Variants in EBF4 observed in about 807,000 individuals in gnomAD.
The protein encoded by EBF4 is transcription factor COE4.
EBF4 carries 34 observed loss-of-function variants against 67.1 expected under a neutral mutation model. The ratio of observed to expected loss-of-function variants is 0.51; its 90% confidence interval spans 0.39 to 0.67. EBF4 has a LOEUF of 0.67. Ranked by LOEUF, EBF4 falls within the 30% of genes least tolerant of loss-of-function variation. The pLI, the probability that EBF4 is intolerant of heterozygous loss-of-function variation, is 0.00. For missense variants in EBF4, 837 were observed against 873.3 expected, an observed-to-expected ratio of 0.96 and a Z score of 0.52; for synonymous variants, 387 against 377.7, an observed-to-expected ratio of 1.02 and a Z score of -0.29.
intron 6 of EBF4, among the ~76,000 whole-genome samples, chr20:2,746,713 G>A (rs1009958573): frequency 2.0e-5 from 3 of 152,184 alleles, no homozygotes; most frequent in Admixed American, 6.5e-5. Context: ...TATATAAGTA[G>A]TACATGAGTA....
At chr20:2,721,297 A>G (rs550733538) in intron 6 of EBF4, among the ~76,000 whole-genome samples, 1 of 110,892 alleles carries the variant, frequency 9.0e-6, no homozygotes, top group East Asian at 2.4e-4. Flanking sequence ...CGTTCTGAAT[A>G]GTTTTAACTG....
chr20:2,752,037 A>ACGCGGCGCC (rs2088156906), intron 12 of EBF4, 49 bp from the exon 13 acceptor site: 1 of 1,496,960 alleles, frequency 6.7e-7, no homozygotes, highest in Middle Eastern at 2.4e-4. Flanking sequence ...GCCCCCCAGC[A>ACGCGGCGCC]CGCGGCGCCC....
At chr20:2,737,147 G>A (rs2087896055) in intron 6 of EBF4, among the ~76,000 whole-genome samples, 2 of 151,824 alleles carry the variant, frequency 1.3e-5, no homozygotes, top group Admixed American at 6.6e-5. Context: ...CTACTCGGGA[G>A]GCTGAGGCAG....
At chr20:2,733,178 T>C (rs1379452973) in intron 6 of EBF4, among the ~76,000 whole-genome samples, 2 of 152,216 alleles carry the variant, frequency 1.3e-5, no homozygotes, top group Non-Finnish European at 2.9e-5. Flanking sequence ...TTGCTGGACA[T>C]GCAATTTTTT....
intron 5 of EBF4, among the ~76,000 whole-genome samples, 195 bp downstream of exon 5, chr20:2,708,215 G>A (rs1392370948): frequency 2.0e-5 from 3 of 152,198 alleles, no homozygotes; most frequent in African/African-American, 7.2e-5. Flanking sequence ...GGTCCTTGAG[G>A]CCCCATTAGC....
intron 6 of EBF4, among the ~76,000 whole-genome samples, chr20:2,716,642 T>C (rs2087614775): frequency 6.6e-6 from 1 of 152,230 alleles, no homozygotes; most frequent in South Asian, 2.1e-4. Flanking sequence ...CCTATGGAAC[T>C]AATTAGGGGT....
chr20:2,744,700 C>T (rs2088024188), intron 6 of EBF4, among the ~76,000 whole-genome samples: 2 of 151,852 alleles, frequency 1.3e-5, no homozygotes, highest in Non-Finnish European at 2.9e-5. Flanking sequence ...CAGCATTGGG[C>T]AGGCTAGTCT....
intron 14 of EBF4, among the ~76,000 whole-genome samples, chr20:2,753,072 G>GTC (rs1279921790): frequency 1.3e-5 from 2 of 152,254 alleles, no homozygotes; most frequent in Non-Finnish European, 2.9e-5. Flanking sequence ...AGCGAGTTCT[G>GTC]TGTGATCAGA....
chr20:2,731,455 C>G (rs1032648854), intron 6 of EBF4, among the ~76,000 whole-genome samples: 1 of 152,156 alleles, frequency 6.6e-6, no homozygotes, highest in Non-Finnish European at 1.5e-5. Flanking sequence ...ATGCAGCTTA[C>G]TTATAAAGAC....
chr20:2,705,733 A>C, exon 2 of EBF4: 1 of 1,549,558 alleles, frequency 6.5e-7, no homozygotes, highest in Non-Finnish European at 8.7e-7. Flanking sequence ...AAAAGGACCG[A>C]GTGAGAGGCT....
intron 6 of EBF4, among the ~76,000 whole-genome samples, chr20:2,728,891 A>G (rs903622836): frequency 6.6e-6 from 1 of 151,708 alleles, no homozygotes; most frequent in African/African-American, 2.4e-5. Context: ...TAGTATTAAT[A>G]CTCTGTGTAA....
chr20:2,723,496 G>GC (rs368546344), intron 6 of EBF4, among the ~76,000 whole-genome samples: 27,911 of 151,030 alleles, frequency 0.18, 3,510 homozygotes, highest in African/African-American at 0.35. Context: ...GACTACAGGC[G>GC]CCGCCACCAC....
upstream of EBF4, chr20:2,693,467 C>A: frequency 1.5e-6 from 1 of 662,356 alleles, no homozygotes; most frequent in Non-Finnish European, 2.1e-6. This position sits in a 1 kb window ranked among gnomAD's most constrained non-coding sequence, Gnocchi z 4.6. Flanking sequence ...AGCGCCGGCG[C>A]CCGCGGACCC....
intron 6 of EBF4, among the ~76,000 whole-genome samples, chr20:2,713,095 A>T (rs1196469001): frequency 2.0e-5 from 3 of 152,230 alleles, no homozygotes; most frequent in Non-Finnish European, 4.4e-5. Context: ...TGTCTGGAGC[A>T]CTGTGTAGTG....
intron 1 of EBF4, among the ~76,000 whole-genome samples, chr20:2,697,011 T>C (rs2087298774): frequency 6.6e-6 from 1 of 152,156 alleles, no homozygotes; most frequent in South Asian, 2.1e-4. Flanking sequence ...GAAGCAGTAA[T>C]GTTTCTCAGA....
exon 13 of EBF4, chr20:2,752,250 G>C (rs1476403476): frequency 5.4e-6 from 7 of 1,285,834 alleles, no homozygotes; most frequent in Admixed American, 3.9e-5. Flanking sequence ...ACGCCACCCC[G>C]GGGCCCGAGC....
chr20:2,696,735 C>T lies in EBF4; in HGVS notation c.137+2953C>T, dbSNP rs1339565695. Among the ~76,000 whole-genome samples the T allele has an allele frequency of 1.3e-5, 2 of 152,182 alleles. No homozygotes were observed. Among genetic ancestry groups the T allele is most frequent in the African/African-American group, 4.8e-5 (2 of 41,442 alleles). ...CCCCTGGATTAAGTCTCACCAGCCT[C>T]AGGACTCCCTCTTACACCCACCGAC... On this transcript the variant is annotated intron_variant, in intron 1 of 16. Coordinates refer to ENST00000609451, the Ensembl canonical transcript of EBF4. This position sits in a 1 kb window ranked among gnomAD's most constrained non-coding sequence, Gnocchi z 4.7.
In EBF4 at chr20:2,751,931, C is replaced by T. The variant is rs934553540; in HGVS notation, c.1117C>T (p.Leu373=). 2 of 1,548,954 alleles carry T rather than the reference C, an allele frequency of 1.3e-6. No homozygotes were observed. Among genetic ancestry groups the T allele is most frequent in the African/African-American group, 2.7e-5 (2 of 73,020 alleles). The change falls in exon 12 of 17, where the codon CTG becomes TTG. Residue 373 remains leucine, a synonymous_variant. Coordinates refer to ENST00000609451, the Ensembl canonical transcript of EBF4. This position sits in a 1 kb window ranked among gnomAD's most constrained non-coding sequence, Gnocchi z 5.2. ...CTCCCCCTGTCCCCAGGAAGTGCTG[C>T]TGAAGCGGGCGGCCGACTTGGCAGA...
At chr20:2,744,047 T>C (rs1442090655) in intron 6 of EBF4, among the ~76,000 whole-genome samples, 3 of 151,982 alleles carry the variant, frequency 2.0e-5, no homozygotes, top group Non-Finnish European at 4.4e-5. Context: ...TTCCATGCTC[T>C]ACCTCCAGGT....
Sources: allele counts gnomAD v4.1 joint callset (sites outside exome capture counted in the v4.1 genomes callset), GRCh38; gene constraint gnomAD v4.1.1; non-coding constraint Gnocchi (gnomAD v3.1); transcripts MANE v1.5; gene names NCBI Gene and HGNC (gene_info 2026-07-23, HGNC 2026-07-21).